MID1: variants seen among roughly 807,000 people sequenced by gnomAD.
The protein encoded by MID1 is E3 ubiquitin-protein ligase Midline-1.
A neutral mutation model predicts 40.4 loss-of-function variants in MID1; 7 were observed. The observed-to-expected ratio is 0.17, with a 90% CI of 0.10 to 0.33. The LOEUF (loss-of-function observed/expected upper bound fraction) is 0.33. Among genes scored for constraint, MID1 ranks in the 10% least tolerant of loss-of-function variants. MID1 has a pLI of 1.00. For missense variants in MID1, 367 were observed against 558.5 expected (o/e 0.66, Z 3.46); for synonymous variants, 229 against 221.2 (o/e 1.04, Z -0.31).
intron 1 of MID1, among the ~76,000 whole-genome samples, chrX:10,795,227 T>C (rs747722614): frequency 1.8e-5 from 2 of 112,640 alleles, no homozygotes; most frequent in Non-Finnish European, 3.7e-5. Context: ...TGAAAACCAC[T>C]GTTCAAAACA....
In MID1 at chrX:10,636,792, A is replaced by ATATATATATATATATATG. The variant is rs1555911868; in HGVS notation, c.-186-16374_-186-16373insCATATATATATATATATA. ...GGCCATTCCAACAATGGGGATATAT[A>ATATATATATATATATATG]TATATATATATATATATATATATAT... On this transcript the variant is annotated intron_variant, in intron 1 of 10. Transcript: ENST00000380785. Among the ~76,000 whole-genome samples, 8 of 64,557 alleles carry ATATATATATATATATATG rather than the reference A, an allele frequency of 1.2e-4. 1 individual carries two copies. Among genetic ancestry groups the ATATATATATATATATATG allele is most frequent in the African/African-American group, 4.8e-4 (8 of 16,622 alleles). The allele number at this position is 64,557 out of a possible 115,157, so 56.1% of individuals were successfully genotyped here. A position where few individuals can be genotyped will look rare whatever the true frequency, so the allele number is the denominator to read the frequency against.
chrX:10,492,758 G>A (rs189876586), intron 4 of MID1, among the ~76,000 whole-genome samples: 1 of 112,413 alleles, frequency 8.9e-6, no homozygotes, highest in Non-Finnish European at 1.9e-5. Context: ...CCACAGTCAT[G>A]GCTTTTCAGT....
intron 3 of MID1, among the ~76,000 whole-genome samples, chrX:10,520,779 G>A (rs1932665534): frequency 9.0e-6 from 1 of 111,436 alleles, no homozygotes; most frequent in African/African-American, 3.3e-5. Flanking sequence ...CATTGCATCA[G>A]AGTCTGTGAG....
At chrX:10,598,976 T>C (rs1170571837) in intron 1 of MID1, among the ~76,000 whole-genome samples, 4 of 112,043 alleles carry the variant, frequency 3.6e-5, no homozygotes, top group African/African-American at 1.3e-4. Flanking sequence ...CCCTTCTCTA[T>C]GACCATCCTG....
chrX:10,765,491 G>A (rs2043714139), intron 1 of MID1, among the ~76,000 whole-genome samples: 1 of 112,298 alleles, frequency 8.9e-6, no homozygotes. Context: ...TCAAGCCATG[G>A]GGTTTCCTTT....
At chrX:10,699,947 C>G (rs752310697) in intron 1 of MID1, among the ~76,000 whole-genome samples, 1 of 109,215 alleles carries the variant, frequency 9.2e-6, no homozygotes. Context: ...CTCAGCCACC[C>G]GAGTAGCTGG....
intron 7 of MID1, among the ~76,000 whole-genome samples, chrX:10,463,765 C>T (rs1403541545): frequency 8.9e-6 from 1 of 112,229 alleles, no homozygotes; most frequent in Non-Finnish European, 1.9e-5. Context: ...GATGAGGAAA[C>T]GGATTCGGAG....
At chrX:10,586,174 C>A (rs1369188537) in intron 1 of MID1, among the ~76,000 whole-genome samples, 1 of 111,529 alleles carries the variant, frequency 9.0e-6, no homozygotes, top group Non-Finnish European at 1.9e-5. Context: ...ACTGTAGCAA[C>A]CTTTTGTCCC....
At chrX:10,716,408 A>C (rs1264013565) in intron 1 of MID1, among the ~76,000 whole-genome samples, 3 of 112,400 alleles carry the variant, frequency 2.7e-5, no homozygotes, top group Non-Finnish European at 5.6e-5. Context: ...CACAAGCCTC[A>C]GCAGCTGATT....
intron 4 of MID1, among the ~76,000 whole-genome samples, chrX:10,491,691 A>G (rs1930962751): frequency 8.9e-6 from 1 of 112,099 alleles, no homozygotes; most frequent in Non-Finnish European, 1.9e-5. Flanking sequence ...TTATATATGA[A>G]TAGATTTTAG....
chrX:10,699,608 C>G (rs1375608089), intron 1 of MID1, among the ~76,000 whole-genome samples: 1 of 111,416 alleles, frequency 9.0e-6, no homozygotes, highest in Admixed American at 9.6e-5. Context: ...TGAGCTTGCC[C>G]CTTTTTCCTG....
At chrX:10,713,486 G>A (rs960534217) in intron 1 of MID1, among the ~76,000 whole-genome samples, 2 of 110,669 alleles carry the variant, frequency 1.8e-5, no homozygotes, top group Admixed American at 1.9e-4. Flanking sequence ...ACCATGCCCA[G>A]CTAATTTTTT....
intron 1 of MID1, among the ~76,000 whole-genome samples, chrX:10,651,601 C>A (rs1226121375): frequency 8.9e-6 from 1 of 112,036 alleles, no homozygotes; most frequent in East Asian, 2.8e-4. Flanking sequence ...GTTCTCATAT[C>A]ATCAGTTTTC....
At chrX:10,614,690 G>T (rs1208847863) in intron 1 of MID1, among the ~76,000 whole-genome samples, 1 of 112,060 alleles carries the variant, frequency 8.9e-6, no homozygotes, top group Non-Finnish European at 1.9e-5. Flanking sequence ...GGACAGGCCT[G>T]GGGGAGATGC....
intron 1 of MID1, among the ~76,000 whole-genome samples, chrX:10,580,933 TAAAAAAAAAAA>T (rs757426965): frequency 1.7e-5 from 1 of 58,534 alleles, no homozygotes; most frequent in Non-Finnish European, 3.3e-5. Context: ...TGGTGTCCTG[TAAAAAAAAAAA>T]AAAAAAAAAA....
intron 1 of MID1, among the ~76,000 whole-genome samples, chrX:10,617,498 G>C: frequency 8.9e-6 from 1 of 112,224 alleles, no homozygotes. Flanking sequence ...GACTTACTTT[G>C]TTTTAGTAGA....
intron 1 of MID1, among the ~76,000 whole-genome samples, chrX:10,705,537 A>G (rs776368990): frequency 1.8e-5 from 2 of 112,414 alleles, no homozygotes; most frequent in African/African-American, 3.2e-5. Flanking sequence ...TGTGCCTGGT[A>G]CATGATAAAA....
At chrX:10,488,989 T>C (rs926884981) in intron 4 of MID1, among the ~76,000 whole-genome samples, 1 of 111,077 alleles carries the variant, frequency 9.0e-6, no homozygotes, top group Non-Finnish European at 1.9e-5. Flanking sequence ...ATATATATCC[T>C]ATTAGTTCTG....
chrX:10,764,033 C>T lies in MID1; in HGVS notation c.-187+69521G>A, dbSNP rs778190734. On this transcript the variant is annotated intron_variant, in intron 1 of 10. Coordinates refer to the MID1 transcript ENST00000380785. The stretch of plus-strand genomic sequence containing the variant: ...GGGTTGTTTGTTTTTTTCTTGTAAA[C>T]TTGTTTGAGTTCATTGTAGATTCTG... 1.9e-3 allele frequency among the ~76,000 whole-genome samples: 214 copies of T among 111,488 alleles called. 2 individuals carry two copies. The highest frequency in any genetic ancestry group is 6.8e-3 in the African/African-American group (207 of 30,557).
Sources: gnomAD v4.1 joint callset for allele counts (sites outside exome capture counted in the v4.1 genomes callset) on GRCh38, gnomAD v4.1.1 for gene constraint, MANE v1.5 for transcripts, NCBI Gene and HGNC (gene_info 2026-07-23, HGNC 2026-07-21) for gene names.